Variants in DEPTOR observed in about 807,000 individuals in gnomAD.
DEPTOR encodes DEP domain containing MTOR interacting protein, also known as DEP domain-containing mTOR-interacting protein.
DEPTOR carries 41 observed loss-of-function variants against 41.6 expected under a neutral mutation model. That is an observed-to-expected ratio of 0.98 (90% CI 0.77 to 1.28). The LOEUF is 1.28. DEPTOR is among the 50% of genes most tolerant of loss of function. The probability of loss-of-function intolerance (pLI) is 0.00; values close to 1 mark genes in which losing one functional copy is unlikely to be tolerated. For synonymous variants in DEPTOR, 195 were observed against 192.3 expected, an observed-to-expected ratio of 1.01 and a Z score of -0.12; for missense variants, 514 against 527.9, an observed-to-expected ratio of 0.97 and a Z score of 0.26.
At chr8:120,044,964 A>G (rs1262017638) in intron 8 of DEPTOR, among the ~76,000 whole-genome samples, 3 of 152,292 alleles carry the variant, frequency 2.0e-5, no homozygotes, top group African/African-American at 7.2e-5. Flanking sequence ...CAAAACCACA[A>G]TTGCTTTTGC....
chr8:120,032,796 A>G (rs1812912461), intron 8 of DEPTOR, among the ~76,000 whole-genome samples: 1 of 152,252 alleles, frequency 6.6e-6, no homozygotes, highest in South Asian at 2.1e-4. Context: ...GTATTATGGA[A>G]AATTCTTTCT....
chr8:119,980,465 TTTCTTTTC>T (rs1472450952), intron 4 of DEPTOR, among the ~76,000 whole-genome samples: 1 of 67,502 alleles, frequency 1.5e-5, no homozygotes, highest in African/African-American at 5.2e-5. Context: ...TTTCTTTTCT[TTTCTTTTC>T]TTTTCTTTTC....
intron 8 of DEPTOR, among the ~76,000 whole-genome samples, chr8:120,024,800 G>A (rs1283732007): frequency 6.6e-6 from 1 of 152,120 alleles, no homozygotes; most frequent in African/African-American, 2.4e-5. Context: ...AAAAATTTCT[G>A]TTTTTAAAAC....
intron 5 of DEPTOR, among the ~76,000 whole-genome samples, chr8:120,002,250 C>T (rs1812360931): frequency 6.6e-6 from 1 of 152,126 alleles, no homozygotes; most frequent in Non-Finnish European, 1.5e-5. Flanking sequence ...AGAGACTCTC[C>T]TGCCTCAGCC....
intron 4 of DEPTOR, among the ~76,000 whole-genome samples, chr8:119,988,958 C>CTTTTTTT (rs71571643): frequency 1.2e-4 from 11 of 93,920 alleles, no homozygotes; most frequent in East Asian, 3.6e-4. Context: ...TTTTTTTTTT[C>CTTTTTTT]TTTTTTTTTT....
intron 3 of DEPTOR, among the ~76,000 whole-genome samples, chr8:119,946,223 C>T (rs746735421): frequency 3.0e-4 from 46 of 152,030 alleles, no homozygotes; most frequent in Non-Finnish European, 4.1e-4. Context: ...TTTCAGACCC[C>T]CTAACAAAAG....
intron 4 of DEPTOR, among the ~76,000 whole-genome samples, chr8:119,992,499 G>A (rs1455217271): frequency 6.6e-6 from 1 of 152,136 alleles, no homozygotes; most frequent in Non-Finnish European, 1.5e-5. Context: ...CCAGGGCACA[G>A]TTGATGTCTG....
At chr8:119,921,726 A>G (rs1176886115) in intron 1 of DEPTOR, among the ~76,000 whole-genome samples, 2 of 151,478 alleles carry the variant, frequency 1.3e-5, no homozygotes. Flanking sequence ...GAAGGATGGT[A>G]ACTGAAAGGT....
At chr8:120,039,268 T>C (rs1043991742) in intron 8 of DEPTOR, among the ~76,000 whole-genome samples, 2 of 152,192 alleles carry the variant, frequency 1.3e-5, no homozygotes, top group South Asian at 4.1e-4. Flanking sequence ...AGCACCTTGA[T>C]CTTGGACTTA....
At chr8:119,899,716 G>T (rs1320846336) in intron 1 of DEPTOR, among the ~76,000 whole-genome samples, 1 of 152,192 alleles carries the variant, frequency 6.6e-6, no homozygotes. Flanking sequence ...TCAAGATCGT[G>T]CAGTCTTCAT....
intron 2 of DEPTOR, 45 bp downstream of exon 2, chr8:119,928,623 A>G (rs1353624210): frequency 6.3e-6 from 10 of 1,590,990 alleles, no homozygotes; most frequent in Non-Finnish European, 8.6e-6. Flanking sequence ...AAATGGAAGG[A>G]CTAGATCTTT....
At chr8:119,936,005 T>TG (rs1390764590) in intron 3 of DEPTOR, among the ~76,000 whole-genome samples, 1 of 150,840 alleles carries the variant, frequency 6.6e-6, no homozygotes, top group African/African-American at 2.4e-5. Flanking sequence ...AGTTGTTTTT[T>TG]TTTTTTTTTT....
In DEPTOR at chr8:119,957,579, TTTC is replaced by T. The variant is rs561849692; in HGVS notation, c.426-7650_426-7648del. Among the ~76,000 whole-genome samples, 1,084 of 149,494 alleles carry T rather than the reference TTTC, an allele frequency of 7.3e-3. 10 individuals are homozygous for T. The highest frequency in any genetic ancestry group is 0.024 in the Middle Eastern group (7 of 292). On this transcript the variant is annotated intron_variant, in intron 3 of 8. Coordinates refer to ENST00000286234, the MANE Select transcript of DEPTOR (RefSeq NM_022783.4). ...TGCACATGGGTCCTTCTATTTTTTT[TTTC>T]TTTCTTTCTTTCTTTTTTTTTTTTC...
intron 1 of DEPTOR, among the ~76,000 whole-genome samples, chr8:119,908,646 A>G (rs1827698881): frequency 6.6e-6 from 1 of 151,350 alleles, no homozygotes; most frequent in Admixed American, 6.6e-5. Context: ...GACTACAGGC[A>G]TGCGTCATCC....
Position 119,873,859 on chromosome 8 carries a change from G to A in DEPTOR, c.13G>A (p.Gly5Ser), listed in dbSNP as rs1827196256. 6.2e-7 allele frequency: 1 copy of A among 1,613,238 alleles called. No individual in the cohort carries two copies. The highest frequency in any genetic ancestry group is 1.3e-5 in the African/African-American group (1 of 74,954). MEEG[G>S]STGSAGSDSS... ...CGGCCCTAAAACCATGGAGGAGGGCGGCAGCACTGGCAGTGCTGGCAGTGA... is the reference window on the plus strand; with the variant it reads ...CGGCCCTAAAACCATGGAGGAGGGCAGCAGCACTGGCAGTGCTGGCAGTGA... Residue 5 changes from glycine to serine, a missense_variant, in exon 1 of 9, where the codon GGC (glycine) becomes AGC (serine). Transcript: ENST00000286234.
At chr8:119,944,829 T>A (rs960588631) in intron 3 of DEPTOR, among the ~76,000 whole-genome samples, 25 of 152,096 alleles carry the variant, frequency 1.6e-4, no homozygotes, top group African/African-American at 6.0e-4. Flanking sequence ...TAATTTTTTG[T>A]ATTTTTAGTA....
chr8:120,031,603 C>T (rs559668085), intron 8 of DEPTOR, among the ~76,000 whole-genome samples: 183 of 152,254 alleles, frequency 1.2e-3, no homozygotes, highest in African/African-American at 4.2e-3. Context: ...CCTCAGAGCT[C>T]CTGCCCATAT....
At chr8:119,894,818 TAACA>T (rs1461107088) in intron 1 of DEPTOR, among the ~76,000 whole-genome samples, 3 of 152,218 alleles carry the variant, frequency 2.0e-5, no homozygotes, top group Non-Finnish European at 4.4e-5. Flanking sequence ...GTATAGTATG[TAACA>T]AAGACAATAC....
chr8:119,900,400 T>TTTTTTTTTTTTTTTTTTTTTA (rs1827575224), intron 1 of DEPTOR, among the ~76,000 whole-genome samples: 1 of 133,356 alleles, frequency 7.5e-6, no homozygotes, highest in Non-Finnish European at 1.6e-5. Flanking sequence ...TTTTTTTTTT[T>TTTTTTTTTTTTTTTTTTTTTA]TTTTGGGAGA....
Sources: allele counts gnomAD v4.1 joint callset (sites outside exome capture counted in the v4.1 genomes callset), GRCh38; gene constraint gnomAD v4.1.1; transcripts MANE v1.5; gene names NCBI Gene and HGNC (gene_info 2026-07-23, HGNC 2026-07-21).